The following PATJ variants were observed in gnomAD, a reference collection of about 807,000 sequenced individuals.
The protein encoded by PATJ is PATJ crumbs cell polarity complex component, also known as inaD-like protein.
A neutral mutation model predicts 224.9 loss-of-function variants in PATJ; 190 were observed. The ratio of observed to expected loss-of-function variants is 0.84; its 90% confidence interval spans 0.75 to 0.95. The LOEUF (loss-of-function observed/expected upper bound fraction) is 0.95. PATJ is among the 40% of genes least tolerant of loss of function. The pLI is 0.00. For missense variants in PATJ, 2,121 were observed against 2,270.3 expected (o/e 0.93, Z 1.34); for synonymous variants, 769 against 820.3 (o/e 0.94, Z 1.07).
intron 28 of PATJ, among the ~76,000 whole-genome samples, chr1:61,996,072 C>T (rs1216589115): frequency 6.6e-6 from 1 of 152,158 alleles, no homozygotes; most frequent in Non-Finnish European, 1.5e-5. Context: ...AGTACATTCC[C>T]TTTGTATCAT....
At chr1:61,770,548 T>C (rs1047589256) in intron 5 of PATJ, among the ~76,000 whole-genome samples, 1 of 152,166 alleles carries the variant, frequency 6.6e-6, no homozygotes, top group African/African-American at 2.4e-5. Flanking sequence ...AAGTGCTCAG[T>C]AAATACTATT....
intron 36 of PATJ, 54 bp downstream of exon 36, chr1:62,116,733 A>G: frequency 1.7e-5 from 26 of 1,543,934 alleles, no homozygotes; most frequent in Non-Finnish European, 2.2e-5. Flanking sequence ...TCCAGTGGGA[A>G]CTGTTCCAGT....
chr1:62,039,030 G>T, intron 30 of PATJ: 1 of 1,068,890 alleles, frequency 9.4e-7, no homozygotes, highest in Non-Finnish European at 1.5e-6. Context: ...CTCCTGTAGT[G>T]TGTCCAGCAT....
At chr1:62,118,368 T>C (rs779788725) in intron 37 of PATJ, among the ~76,000 whole-genome samples, 2 of 152,152 alleles carry the variant, frequency 1.3e-5, no homozygotes, top group Non-Finnish European at 2.9e-5. Context: ...CTTTGTTGAA[T>C]GATTTCATTA....
Position 61,944,084 on chromosome 1 carries a change from G to C in PATJ, c.3670+16255G>C, listed in dbSNP as rs115044495. Among the ~76,000 whole-genome samples, 816 of 152,288 alleles carry C rather than the reference G, an allele frequency of 5.4e-3. 5 individuals are homozygous for C. The highest frequency in any genetic ancestry group is 0.027 in the Middle Eastern group (8 of 294). On this transcript the variant is annotated intron_variant, in intron 27 of 43. Coordinates refer to ENST00000642238, the MANE Select transcript of PATJ (RefSeq NM_001350145.3). The stretch of plus-strand genomic sequence containing the variant: ...CCATTGGTATGTCACCATCATCAGG[G>C]ACCAAAGGTAGATAAAACCATGGAG...
At position 61,805,671 on chromosome 1, in the gene PATJ, G is replaced by T. The variant is rs146961045; in HGVS notation, c.1626+147G>T. On this transcript the variant is annotated intron_variant, in intron 13 of 43. Transcript: ENST00000642238. The stretch of plus-strand genomic sequence containing the variant: ...GCCTTTCTTCCCTAGTGGATCAATC[G>T]ATTTTTTTCCCCCCATCTTTAGCAT... 3.5e-3 allele frequency: 2,019 copies of T among 584,356 alleles called. 31 individuals carry two copies. The highest frequency in any genetic ancestry group is 0.032 in the African/African-American group (1,693 of 53,032). 36.2% of individuals were successfully genotyped at this position (584,356 alleles called of 1,614,324 possible).
chr1:61,780,084 A>G (rs554318032), intron 7 of PATJ, among the ~76,000 whole-genome samples: 8 of 152,314 alleles, frequency 5.3e-5, no homozygotes, highest in African/African-American at 1.9e-4. Context: ...TGAGATTTCA[A>G]CATGAGGTTT....
intron 26 of PATJ, among the ~76,000 whole-genome samples, chr1:61,925,844 A>G (rs1371946657): frequency 6.6e-6 from 1 of 152,216 alleles, no homozygotes; most frequent in East Asian, 1.9e-4. Context: ...AGAGTGCTAA[A>G]AGAAAGAATG....
chr1:61,915,701 T>C (rs1398404204), intron 26 of PATJ, among the ~76,000 whole-genome samples: 1 of 151,200 alleles, frequency 6.6e-6, no homozygotes, highest in East Asian at 1.9e-4. Context: ...CTTTCTTTTT[T>C]TTTTTTGTTT....
chr1:61,964,969 G>A lies in PATJ; in HGVS notation c.3671-25199G>A, dbSNP rs139142396. Among the ~76,000 whole-genome samples, 1,329 of 151,006 alleles carry A rather than the reference G, an allele frequency of 8.8e-3. 17 individuals carry two copies. Among genetic ancestry groups the A allele is most frequent in the African/African-American group, 0.028 (1,139 of 41,150 alleles). On this transcript the variant is annotated intron_variant, in intron 27 of 43. Transcript: ENST00000642238. ...TCTACTAAAAATACAAAAATTAGCC[G>A]GGCGTGGTGGTGTGTGCCTGTAGCG...
intron 24 of PATJ, among the ~76,000 whole-genome samples, chr1:61,908,129 A>T (rs1672106000): frequency 6.6e-6 from 1 of 152,192 alleles, no homozygotes; most frequent in Non-Finnish European, 1.5e-5. Context: ...ATTATATTTA[A>T]CCAGGGATGT....
At chr1:62,009,261 T>G (rs1044991770) in intron 28 of PATJ, among the ~76,000 whole-genome samples, 7 of 152,270 alleles carry the variant, frequency 4.6e-5, no homozygotes, top group Admixed American at 4.6e-4. Flanking sequence ...ATACTTCAGA[T>G]AGATTATGGG....
At chr1:61,808,680 G>A (rs1380545588) in intron 14 of PATJ, 150 bp downstream of exon 14, 2 of 547,752 alleles carry the variant, frequency 3.7e-6, no homozygotes, top group Non-Finnish European at 6.5e-6. Flanking sequence ...TGGAGCCACT[G>A]AACTCGGCCC....
chr1:61,898,137 G>T (rs1337673633), intron 22 of PATJ, among the ~76,000 whole-genome samples: 1 of 152,184 alleles, frequency 6.6e-6, no homozygotes, highest in Non-Finnish European at 1.5e-5. Flanking sequence ...AACAGATTTG[G>T]ATACATGAGG....
chr1:62,122,386 C>CA (rs1665178105), intron 38 of PATJ, among the ~76,000 whole-genome samples: 2 of 135,286 alleles, frequency 1.5e-5, no homozygotes, highest in African/African-American at 5.8e-5. Flanking sequence ...AAAAAAAAAA[C>CA]CACACACACA....
rs1659349821 is a variant in PATJ, at chr1:61,831,674, A to G, written c.1981-1980A>G. 2.6e-5 allele frequency among the ~76,000 whole-genome samples: 4 copies of G among 152,316 alleles called. No homozygotes were observed. The South Asian group carries it at 6.2e-4, about 24-fold the overall frequency. ...ACAATGGCCATTATTAAAAAGTTAAAAAATAACAGATGCTGGGGAGGTTGT... is the reference window on the plus strand; with the variant it reads ...ACAATGGCCATTATTAAAAAGTTAAGAAATAACAGATGCTGGGGAGGTTGT... On this transcript the variant is annotated intron_variant, in intron 16 of 43. Transcript: ENST00000642238.
chr1:61,966,179 C>T (rs1557958040), intron 27 of PATJ, among the ~76,000 whole-genome samples: 1 of 151,536 alleles, frequency 6.6e-6, no homozygotes, highest in African/African-American at 2.4e-5. Context: ...GGATTACAGG[C>T]GTGAGCCACC....
chr1:61,832,340 A>G (rs1357455667), intron 16 of PATJ, among the ~76,000 whole-genome samples: 1 of 152,192 alleles, frequency 6.6e-6, no homozygotes. Context: ...GTTGGAGAGA[A>G]TAAATACATA....
At chr1:61,808,636 C>G in intron 14 of PATJ, 106 bp downstream of exon 14, 1 of 672,142 alleles carries the variant, frequency 1.5e-6, no homozygotes, top group Middle Eastern at 3.9e-4. Flanking sequence ...AGTGATCCTC[C>G]CGTGTTTCCC....
Sources: gnomAD v4.1 joint callset for allele counts (sites outside exome capture counted in the v4.1 genomes callset) on GRCh38, gnomAD v4.1.1 for gene constraint, MANE v1.5 for transcripts, NCBI Gene and HGNC (gene_info 2026-07-23, HGNC 2026-07-21) for gene names.